KHDC1: variants seen among roughly 807,000 people sequenced by gnomAD.
The protein encoded by KHDC1 is KH homology domain-containing protein 1.
KHDC1 carries 21 observed loss-of-function variants against 24.7 expected under a neutral mutation model. The observed-to-expected ratio is 0.85, with a 90% confidence interval of 0.60 to 1.23. The LOEUF is 1.23. Ranked by LOEUF, KHDC1 falls within the 50% of genes most tolerant of loss-of-function variation. The pLI is 0.00. For synonymous variants in KHDC1, 98 were observed against 111.7 expected (o/e 0.88, Z 0.77); for missense variants, 274 against 298.5 (o/e 0.92, Z 0.61).
intron 2 of KHDC1, among the ~76,000 whole-genome samples, chr6:73,245,904 G>A (rs1196158270): frequency 6.6e-6 from 1 of 152,146 alleles, no homozygotes; most frequent in African/African-American, 2.4e-5. Flanking sequence ...TGGCTAGAAC[G>A]TATTTACAAA....
chr6:73,296,791 A>G (rs1767767234), intron 1 of KHDC1, among the ~76,000 whole-genome samples: 1 of 152,176 alleles, frequency 6.6e-6, no homozygotes, highest in Non-Finnish European at 1.5e-5. Flanking sequence ...TATTTTGAAT[A>G]GGTAGTATGC....
At chr6:73,294,367 TA>T (rs938865171) in intron 1 of KHDC1, among the ~76,000 whole-genome samples, 11 of 148,582 alleles carry the variant, frequency 7.4e-5, no homozygotes, top group East Asian at 2.0e-4. Flanking sequence ...GATGAAGACT[TA>T]AAAAAAAAAG....
chr6:73,282,543 C>G (rs149168867), intron 2 of KHDC1, among the ~76,000 whole-genome samples: 277 of 152,226 alleles, frequency 1.8e-3, no homozygotes, highest in African/African-American at 6.4e-3. Context: ...GACTAGACTC[C>G]CTTTGTAGGA....
At chr6:73,251,949 C>T (rs902456933) in intron 2 of KHDC1, among the ~76,000 whole-genome samples, 4 of 151,742 alleles carry the variant, frequency 2.6e-5, no homozygotes, top group Admixed American at 2.0e-4. Context: ...TCTTGAACTC[C>T]TGGGGTCAAG....
chr6:73,242,672 A>G (rs1766596538), intron 2 of KHDC1, 142 bp from the exon 2 acceptor site: 3 of 896,010 alleles, frequency 3.3e-6, no homozygotes, highest in Non-Finnish European at 5.0e-6. Context: ...CAATCCCGGT[A>G]TCTCTTCCCA....
intron 2 of KHDC1, 189 bp from the exon 1 acceptor site, chr6:73,263,385 G>T (rs1767023225): frequency 4.5e-6 from 3 of 669,718 alleles, no homozygotes; most frequent in Non-Finnish European, 3.7e-6. Context: ...AGACCCGGAC[G>T]ACCCCCATTG....
At chr6:73,249,676 A>G (rs1363703043) in intron 2 of KHDC1, among the ~76,000 whole-genome samples, 2 of 152,180 alleles carry the variant, frequency 1.3e-5, no homozygotes, top group Non-Finnish European at 2.9e-5. Flanking sequence ...GGACTCACAG[A>G]AAGACGGACA....
chr6:73,250,504 G>C (rs544402346), intron 2 of KHDC1, among the ~76,000 whole-genome samples: 1 of 152,348 alleles, frequency 6.6e-6, no homozygotes, highest in East Asian at 1.9e-4. Flanking sequence ...GCCAACACAA[G>C]GTGGAAAGGG....
At chr6:73,293,518 G>A (rs117312046) in intron 1 of KHDC1, among the ~76,000 whole-genome samples, 1,537 of 152,278 alleles carry the variant, frequency 0.01, 21 homozygotes, top group East Asian at 0.053. Flanking sequence ...AGTAGCTGAC[G>A]CCCATGATCC....
chr6:73,296,342 A>G (rs1195846990), intron 1 of KHDC1, among the ~76,000 whole-genome samples: 1 of 151,236 alleles, frequency 6.6e-6, no homozygotes, highest in Non-Finnish European at 1.5e-5. Context: ...AGTCCCAGCT[A>G]CTCAGGAGGC....
intron 2 of KHDC1, among the ~76,000 whole-genome samples, chr6:73,255,308 C>A (rs140620619): frequency 1.8e-3 from 269 of 149,006 alleles, no homozygotes; most frequent in African/African-American, 6.3e-3. Flanking sequence ...CAGCCTCTGC[C>A]TCCTAGGTTC....
intron 2 of KHDC1, among the ~76,000 whole-genome samples, chr6:73,244,134 T>C (rs1215789780): frequency 6.6e-6 from 1 of 152,182 alleles, no homozygotes; most frequent in African/African-American, 2.4e-5. Context: ...ATGTTTAAAA[T>C]ATTGAAAAAT....
Position 73,293,239 on chromosome 6 carries a change from G to T in KHDC1, c.164-1199C>A, listed in dbSNP as rs538331321. ...ACTTAATGACAATAGCAGGTCAGAG[G>T]CTCCTAACTGGGCAACTCAAGATTC... On this transcript the variant is annotated intron_variant, in intron 1 of 4. Coordinates refer to ENST00000370384, the Ensembl canonical transcript of KHDC1. 19 of 662,350 alleles carry T rather than the reference G, an allele frequency of 2.9e-5. No individual in the cohort carries two copies. In the African/African-American group the frequency reaches 3.2e-4, roughly 11 times the overall value. The allele number at this position is 662,350 out of a possible 1,614,324, so 41.0% of individuals were successfully genotyped here. A position where few individuals can be genotyped will look rare whatever the true frequency, so the allele number is the denominator to read the frequency against.
chr6:73,265,131 A>G (rs918322594), intron 2 of KHDC1, among the ~76,000 whole-genome samples: 1 of 152,164 alleles, frequency 6.6e-6, no homozygotes, highest in Admixed American at 6.5e-5. Flanking sequence ...GAGTTTGTCT[A>G]GTAGTATATT....
chr6:73,286,227 G>A (rs950300503), intron 2 of KHDC1, among the ~76,000 whole-genome samples: 6 of 152,128 alleles, frequency 3.9e-5, no homozygotes, highest in Admixed American at 2.0e-4. Context: ...CGTTTGTGTG[G>A]GGTTTTTTTA....
chr6:73,298,864 A>G (rs1767811931), intron 1 of KHDC1, among the ~76,000 whole-genome samples: 1 of 152,126 alleles, frequency 6.6e-6, no homozygotes, highest in African/African-American at 2.4e-5. Context: ...CAGCCTCTCA[A>G]GTAGCTAGGA....
At chr6:73,278,213 C>T (rs1377427642) in intron 2 of KHDC1, among the ~76,000 whole-genome samples, 9 of 150,060 alleles carry the variant, frequency 6.0e-5, no homozygotes, top group Non-Finnish European at 1.0e-4. Context: ...TTAGTTTCAC[C>T]GCCACATTGG....
intron 2 of KHDC1, among the ~76,000 whole-genome samples, chr6:73,245,000 T>G (rs1306398023): frequency 6.6e-6 from 1 of 152,174 alleles, no homozygotes; most frequent in Non-Finnish European, 1.5e-5. Context: ...TTGCCTTTCC[T>G]TAGGTGGCAC....
intron 2 of KHDC1, among the ~76,000 whole-genome samples, chr6:73,288,468 A>G (rs1767562489): frequency 6.6e-6 from 1 of 152,124 alleles, no homozygotes; most frequent in Non-Finnish European, 1.5e-5. Context: ...TAAAAATACA[A>G]ACATTAGCTG....
Sources: allele counts gnomAD v4.1 joint callset (sites outside exome capture counted in the v4.1 genomes callset), GRCh38; gene constraint gnomAD v4.1.1; transcripts MANE v1.5; gene names NCBI Gene and HGNC (gene_info 2026-07-23, HGNC 2026-07-21).